Variants in QNG1 observed in about 807,000 individuals in gnomAD.
QNG1 encodes the protein Q-nucleotide N-glycosylase 1.
the QNG1 span, chr9:83,956,171 G>T: frequency 1.2e-6 from 2 of 1,609,976 alleles, no homozygotes; most frequent in Non-Finnish European, 1.7e-6. Flanking sequence ...AACCTTCGTC[G>T]AGGGCTCTGT....
the QNG1 span, among the ~76,000 whole-genome samples, chr9:83,953,237 T>A: frequency 2.0e-3 from 301 of 152,280 alleles, 2 homozygotes; most frequent in Admixed American, 4.7e-3. Flanking sequence ...CACTTTCTGG[T>A]ACATTTTTTA....
chr9:83,939,664 A>G, the QNG1 span: 6 of 1,614,032 alleles, frequency 3.7e-6, no homozygotes, highest in Admixed American at 1.7e-5. Context: ...CCAGAAGACA[A>G]TCCCGGATCA....
chr9:83,944,973 A>G, the QNG1 span: 1 of 1,604,908 alleles, frequency 6.2e-7, no homozygotes, highest in Non-Finnish European at 8.5e-7. Context: ...TCGTTTGTAA[A>G]AAGAAACTCT....
At chr9:83,950,931 A>G in the QNG1 span, among the ~76,000 whole-genome samples, 1 of 152,090 alleles carries the variant, frequency 6.6e-6, no homozygotes, top group Non-Finnish European at 1.5e-5. Flanking sequence ...TTATTCCATA[A>G]TTTTATCATG....
chr9:83,954,651 G>A, the QNG1 span, among the ~76,000 whole-genome samples: 14 of 151,716 alleles, frequency 9.2e-5, no homozygotes, highest in African/African-American at 3.4e-4. Flanking sequence ...GGAGACCGAG[G>A]TGGGTGGATC....
chr9:83,947,080 C>G, the QNG1 span, among the ~76,000 whole-genome samples: 4 of 151,896 alleles, frequency 2.6e-5, no homozygotes, highest in Non-Finnish European at 5.9e-5. Flanking sequence ...AAACAACACC[C>G]CAAAAACACT....
the QNG1 span, among the ~76,000 whole-genome samples, chr9:83,946,147 A>G: frequency 1.3e-5 from 2 of 151,872 alleles, no homozygotes; most frequent in Admixed American, 6.6e-5. Flanking sequence ...TGTACTAAAA[A>G]TACAAAAATT....
chr9:83,945,425 G>A, the QNG1 span, among the ~76,000 whole-genome samples: 1 of 150,148 alleles, frequency 6.7e-6, no homozygotes, highest in Non-Finnish European at 1.5e-5. Flanking sequence ...AAAATTCATA[G>A]ATCTTTTACA....
the QNG1 span, among the ~76,000 whole-genome samples, chr9:83,950,703 A>G: frequency 6.6e-6 from 1 of 150,640 alleles, no homozygotes; most frequent in Non-Finnish European, 1.5e-5. Context: ...GGGCTCAAGC[A>G]ATCCTCCCAC....
chr9:83,953,806 G>A, the QNG1 span: 1 of 1,549,520 alleles, frequency 6.5e-7, no homozygotes. Context: ...TGCAGCCTGT[G>A]AGGGTCCAAC....
At chr9:83,945,831 T>G in the QNG1 span, among the ~76,000 whole-genome samples, 1 of 152,040 alleles carries the variant, frequency 6.6e-6, no homozygotes, top group African/African-American at 2.4e-5. Flanking sequence ...CTCGATCTCC[T>G]GACCTTGTGA....
chr9:83,953,626 G>A, the QNG1 span: 1 of 566,066 alleles, frequency 1.8e-6, no homozygotes, highest in East Asian at 3.2e-5. Context: ...GATTACAGGT[G>A]TGAGCCACCA....
At chr9:83,953,793 G>A in the QNG1 span, 10 of 1,548,334 alleles carry the variant, frequency 6.5e-6, no homozygotes, top group Admixed American at 4.0e-5. Flanking sequence ...AACAAAATCC[G>A]GGTGCAGCCT....
chr9:83,946,090 A>C, the QNG1 span, among the ~76,000 whole-genome samples: 2 of 151,950 alleles, frequency 1.3e-5, no homozygotes, highest in Admixed American at 1.3e-4. Flanking sequence ...GAGGATCACG[A>C]GGTCAGGAGT....
chr9:83,945,243 A>G, the QNG1 span, among the ~76,000 whole-genome samples: 114 of 151,904 alleles, frequency 7.5e-4, no homozygotes, highest in Middle Eastern at 0.017. Context: ...AACTCTACAA[A>G]AAAAAAAAAT....
At chr9:83,956,673 G>C in the QNG1 span, 1 of 516,894 alleles carries the variant, frequency 1.9e-6, no homozygotes, top group Non-Finnish European at 3.2e-6. Flanking sequence ...TCTCTCCCGC[G>C]GCGTTGCCCT....
the QNG1 span, chr9:83,939,397 G>C: frequency 1.4e-6 from 1 of 712,176 alleles, no homozygotes; most frequent in East Asian, 2.7e-5. Context: ...AAGTGAGAAT[G>C]GGCAATCAAT....
the QNG1 span, among the ~76,000 whole-genome samples, chr9:83,949,576 G>A: frequency 6.6e-6 from 1 of 152,222 alleles, no homozygotes; most frequent in African/African-American, 2.4e-5. Flanking sequence ...AACCCGGGAG[G>A]CCGAAGTTGT....
At chr9:83,954,860 A>G in the QNG1 span, among the ~76,000 whole-genome samples, 1 of 128,462 alleles carries the variant, frequency 7.8e-6, no homozygotes, top group Non-Finnish European at 1.6e-5. Flanking sequence ...AGCCTGGGTG[A>G]CAGAGTAAGA....
Sources: gnomAD v4.1 joint callset for allele counts (sites outside exome capture counted in the v4.1 genomes callset) on GRCh38, gnomAD v4.1.1 for gene constraint, MANE v1.5 for transcripts, NCBI Gene and HGNC (gene_info 2026-07-23, HGNC 2026-07-21) for gene names.